The following CLSTN1 variants were observed in gnomAD, a reference collection of about 807,000 sequenced individuals.
The protein encoded by CLSTN1 is calsyntenin 1.
Under a neutral mutation model 108.3 loss-of-function variants are expected in CLSTN1, and 28 were observed. The observed-to-expected ratio is 0.26, with a 90% CI of 0.19 to 0.35. CLSTN1 has a LOEUF of 0.35. Ranked by LOEUF, CLSTN1 falls within the 10% of genes least tolerant of loss-of-function variation. CLSTN1 has a pLI of 1.00. For synonymous variants in CLSTN1, 524 were observed against 534.9 expected (o/e 0.98, Z 0.28); for missense variants, 1,157 against 1,302.6 (o/e 0.89, Z 1.72).
At chr1:9,772,760 A>T (rs1424428509) in intron 2 of CLSTN1, among the ~76,000 whole-genome samples, 1 of 152,218 alleles carries the variant, frequency 6.6e-6, no homozygotes, top group Non-Finnish European at 1.5e-5. Context: ...GGTAAAATCT[A>T]TGCCAAAAGC....
rs150291456 is a variant in CLSTN1 at position 9,819,890 on chromosome 1, T to C, written c.91+3753A>G. 4.2e-3 allele frequency among the ~76,000 whole-genome samples: 646 copies of C among 152,294 alleles called. 7 individuals are homozygous for C. The highest frequency in any genetic ancestry group is 0.015 in the African/African-American group (603 of 41,556). On this transcript the variant is annotated intron_variant, in intron 1 of 18. Coordinates refer to ENST00000377298, the MANE Select transcript of CLSTN1 (RefSeq NM_001009566.3). Reference sequence around the variant, plus strand: ...AACGAGGTAACAAATTAAGAAACCATCTTCCCAAAAAAGCTGAAAATTATA... The same window carrying C: ...AACGAGGTAACAAATTAAGAAACCACCTTCCCAAAAAAGCTGAAAATTATA...
At chr1:9,748,028 A>G (rs1223923457) in intron 7 of CLSTN1, among the ~76,000 whole-genome samples, 1 of 150,448 alleles carries the variant, frequency 6.6e-6, no homozygotes, top group Non-Finnish European at 1.5e-5. Flanking sequence ...TGGGTGACAG[A>G]GTGAGACTCT....
chr1:9,752,740 T>C (rs1651612055), intron 4 of CLSTN1, among the ~76,000 whole-genome samples: 1 of 151,986 alleles, frequency 6.6e-6, no homozygotes, highest in South Asian at 2.1e-4. Context: ...AGCGTGCCTG[T>C]AATCCCAGCT....
rs1650963886 is a variant in CLSTN1 at position 9,741,152 on chromosome 1, A to G, written c.1461T>C (p.Asp487=). 6.2e-7 allele frequency: 1 copy of G among 1,614,138 alleles called. No individual in the cohort carries two copies. The highest frequency in any genetic ancestry group is 8.5e-7 in the Non-Finnish European group (1 of 1,180,010). The stretch of plus-strand genomic sequence containing the variant: ...CTATCTTGGATGGATGGAGCGGGTA[A>G]TCCTCAGTCACAGAGAAGGGCTCGT... The part of the protein sequence containing the change: ...TSHEPFSVTE[D]YPLHPSKIET... Residue 487 remains aspartate, a synonymous_variant, in exon 10 of 19, where the codon GAT becomes GAC. Transcript: ENST00000377298.
chr1:9,788,727 G>A (rs1653613928), intron 1 of CLSTN1, among the ~76,000 whole-genome samples: 1 of 150,814 alleles, frequency 6.6e-6, no homozygotes, highest in African/African-American at 2.4e-5. Flanking sequence ...CATTTGCCAG[G>A]CGTGGTGGCG....
At chr1:9,768,019 T>A (rs1158411582) in intron 2 of CLSTN1, among the ~76,000 whole-genome samples, 1 of 152,178 alleles carries the variant, frequency 6.6e-6, no homozygotes, top group African/African-American at 2.4e-5. Flanking sequence ...GTCTGTGACA[T>A]CTTATCCTTT....
intron 1 of CLSTN1, among the ~76,000 whole-genome samples, chr1:9,800,546 C>T (rs1654214640): frequency 7.0e-6 from 1 of 142,080 alleles, no homozygotes; most frequent in East Asian, 2.1e-4. Context: ...AGTGAAACCC[C>T]GTCTCCACTA....
intron 1 of CLSTN1, among the ~76,000 whole-genome samples, chr1:9,809,794 G>A (rs528765639): frequency 1.8e-4 from 28 of 151,548 alleles, no homozygotes; most frequent in South Asian, 4.2e-4. Flanking sequence ...CCAGCTACTC[G>A]GGAGGGTGAG....
chr1:9,816,727 A>C (rs1186528409), intron 1 of CLSTN1, among the ~76,000 whole-genome samples: 1 of 151,760 alleles, frequency 6.6e-6, no homozygotes, highest in Non-Finnish European at 1.5e-5. Context: ...ACTCACTGCA[A>C]CCTCCGCCCC....
chr1:9,776,130 G>T (rs913358388), intron 1 of CLSTN1, among the ~76,000 whole-genome samples: 3 of 151,964 alleles, frequency 2.0e-5, no homozygotes, highest in Non-Finnish European at 4.4e-5. Context: ...TCACCACCAC[G>T]CTCAGTTTCT....
At chr1:9,799,778 T>C (rs1448923975) in intron 1 of CLSTN1, among the ~76,000 whole-genome samples, 1 of 150,928 alleles carries the variant, frequency 6.6e-6, no homozygotes, top group Non-Finnish European at 1.5e-5. Context: ...CCGTCTCTAC[T>C]AAAAATACAA....
chr1:9,822,467 A>T lies in CLSTN1; in HGVS notation c.91+1176T>A, dbSNP rs539610704. Among the ~76,000 whole-genome samples the T allele has an allele frequency of 3.9e-5, 6 of 152,322 alleles. No homozygotes were observed. In the East Asian group the frequency reaches 1.2e-3, roughly 29 times the overall value. ...CAGGGAAGGGAAAATAAGAATTTTT[A>T]AAAAGCTTGCTAAATTCAAATATGA... On this transcript the variant is annotated intron_variant, in intron 1 of 18. Coordinates refer to ENST00000377298, the MANE Select transcript of CLSTN1 (RefSeq NM_001009566.3).
intron 2 of CLSTN1, among the ~76,000 whole-genome samples, chr1:9,758,416 C>T (rs955945050): frequency 6.6e-4 from 101 of 152,148 alleles, no homozygotes; most frequent in Non-Finnish European, 8.8e-5. Flanking sequence ...TGGGTTCAAG[C>T]GATTCTCATG....
At chr1:9,777,516 A>G (rs1653014679) in intron 1 of CLSTN1, among the ~76,000 whole-genome samples, 1 of 152,040 alleles carries the variant, frequency 6.6e-6, no homozygotes, top group East Asian at 2.0e-4. Context: ...GAGCGAGACT[A>G]TGTCTCAAAA....
At position 9,733,539 on chromosome 1, in the gene CLSTN1, G is replaced by A. The variant is rs759026660; in HGVS notation, c.2289C>T (p.Asp763=). ...AAACCTCCTCGTAGCTGGCCATGGT[G>A]TCCACGCCTGCAGGGGTTGAAAGGG... ...SELGMTFTGV[D]TMASYEEVLH... Residue 763 remains aspartate, a synonymous_variant, in exon 16 of 19, where the codon GAC becomes GAT. Transcript: ENST00000377298. 5 of 1,613,904 alleles carry A rather than the reference G, an allele frequency of 3.1e-6. No homozygotes were observed. The highest frequency in any genetic ancestry group is 1.7e-5 in the Admixed American group (1 of 59,998).
chr1:9,733,663 G>T, intron 15 of CLSTN1, 117 bp from the exon 16 acceptor site: 1 of 1,239,146 alleles, frequency 8.1e-7, no homozygotes, highest in Non-Finnish European at 1.1e-6. Context: ...AGGCCAAGGG[G>T]TCACACAAGT....
intron 1 of CLSTN1, among the ~76,000 whole-genome samples, chr1:9,811,824 C>G (rs938274627): frequency 2.0e-5 from 3 of 151,338 alleles, no homozygotes; most frequent in African/African-American, 7.3e-5. Context: ...AAACTAGCAT[C>G]AATTAGTCAA....
Position 9,823,779 on chromosome 1 carries a change from G to GCGGAGCTCT in CLSTN1, c.-55_-47dup, listed in dbSNP as rs1030065555. On this transcript the variant is annotated 5_prime_UTR_variant, in exon 1 of 19. Transcript: ENST00000377298. This position sits in a 1 kb window ranked among gnomAD's most constrained non-coding sequence, Gnocchi z 6.3. The stretch of plus-strand genomic sequence containing the variant: ...GGCAGGGAGGCGCGCGGGACGCCGA[G>GCGGAGCTCT]CGGAGCTCTCGGAGCTCTCGGGGCT... 29 of 958,064 alleles carry GCGGAGCTCT rather than the reference G, an allele frequency of 3.0e-5. No individual in the cohort carries two copies. The African/African-American group carries it at 3.4e-4, about 11-fold the overall frequency. The allele number at this position is 958,064 out of a possible 1,614,324, so 59.3% of individuals were successfully genotyped here.
rs753569682 is a variant in CLSTN1 at position 9,737,550 on chromosome 1, A to G, written c.1524T>C (p.Phe508=). The change falls in exon 11 of 19, where the codon TTT becomes TTC. Residue 508 remains phenylalanine, a synonymous_variant. Transcript: ENST00000377298. ...TTTCATTGTCATTTTCAACTCCTGA[A>G]AACTCTGTGGAAAAGCAAGACAAAG... ...QLVVGACWQE[F]SGVENDNETE... 1.2e-6 allele frequency: 2 copies of G among 1,614,082 alleles called. No individual in the cohort carries two copies. Among genetic ancestry groups the G allele is most frequent in the East Asian group, 4.5e-5 (2 of 44,888 alleles).
Sources: gnomAD v4.1 joint callset for allele counts (sites outside exome capture counted in the v4.1 genomes callset) on GRCh38, gnomAD v4.1.1 for gene constraint, Gnocchi (gnomAD v3.1) non-coding constraint, MANE v1.5 for transcripts, NCBI Gene and HGNC (gene_info 2026-07-23, HGNC 2026-07-21) for gene names.